The following NCAM1 variants were observed in gnomAD, a reference collection of about 807,000 sequenced individuals.
NCAM1 encodes the protein neural cell adhesion molecule 1, also known as antigen recognized by monoclonal antibody 5.1H11.
In NCAM1, 14 loss-of-function variants were observed where a neutral mutation model predicts 109.8. That is an observed-to-expected ratio of 0.13 (90% CI 0.08 to 0.20). The LOEUF (loss-of-function observed/expected upper bound fraction) is 0.20. Ranked by LOEUF, NCAM1 falls within the 10% of genes least tolerant of loss-of-function variation. NCAM1 has a pLI of 1.00. For synonymous variants in NCAM1, 418 were observed against 442.9 expected (o/e 0.94, Z 0.70); for missense variants, 774 against 1,109.9 (o/e 0.70, Z 4.30).
chr11:113,196,369 C>T (rs1943856112), intron 1 of NCAM1, among the ~76,000 whole-genome samples: 1 of 152,106 alleles, frequency 6.6e-6, no homozygotes, highest in South Asian at 2.1e-4. Context: ...AATTCAAATG[C>T]CTTATTTTAA....
chr11:113,273,745 C>T lies in NCAM1; in HGVS notation c.2457-1522C>T, dbSNP rs1234278051. Reference sequence around the variant, plus strand: ...TCTGTTTCGCCTGCGCCAGCAAAGACCGAGTACGGCCTCTCTTTGTCTGCT... The same window carrying T: ...TCTGTTTCGCCTGCGCCAGCAAAGATCGAGTACGGCCTCTCTTTGTCTGCT... On this transcript the variant is annotated intron_variant, in intron 19 of 19. Transcript: ENST00000316851. This position sits in a 1 kb window ranked among gnomAD's most constrained non-coding sequence, Gnocchi z 6.0. The T allele has an allele frequency of 2.3e-6, 1 of 436,796 alleles. No individual in the cohort carries two copies. Among genetic ancestry groups the T allele is most frequent in the Admixed American group, 2.5e-5 (1 of 40,320 alleles). The allele number at this position is 436,796 out of a possible 1,614,324, so 27.1% of individuals were successfully genotyped here.
In NCAM1 at chr11:113,220,602, C is replaced by CT. The variant is rs1175342641; in HGVS notation, c.1060-671dup. Reference sequence around the variant, plus strand: ...AGACCTATTCTCTCTCTCTCTCTCTCTTTTTTTTTTTTTTTTTTTTTTTGA... The same window carrying CT: ...AGACCTATTCTCTCTCTCTCTCTCTCTTTTTTTTTTTTTTTTTTTTTTTTGA... On this transcript the variant is annotated intron_variant, in intron 8 of 19. Transcript: ENST00000316851. 9.2e-3 allele frequency among the ~76,000 whole-genome samples: 697 copies of CT among 75,514 alleles called. 22 individuals carry two copies. The highest frequency in any genetic ancestry group is 0.012 in the Non-Finnish European group (499 of 42,484). 49.5% of individuals were successfully genotyped at this position (75,514 alleles called of 152,430 possible). A position where few individuals can be genotyped will look rare whatever the true frequency, so the allele number is the denominator to read the frequency against.
intron 1 of NCAM1, among the ~76,000 whole-genome samples, chr11:113,192,108 G>C (rs1216057431): frequency 1.3e-5 from 2 of 152,258 alleles, no homozygotes; most frequent in African/African-American, 2.4e-5. Flanking sequence ...AGAGGGAAAT[G>C]CTTCGCCTTG....
rs78225087 is a variant in NCAM1, at chr11:112,966,578, G to A, written c.52+4914G>A. Among the ~76,000 whole-genome samples, 750 of 152,286 alleles carry A rather than the reference G, an allele frequency of 4.9e-3. 7 individuals carry two copies. Among genetic ancestry groups the A allele is most frequent in the African/African-American group, 0.017 (715 of 41,554 alleles). ...GAAGGTCATAGTCCTGTTACCTCTA[G>A]CCTCTTTTGTTATTAACTCTTGGGG... On this transcript the variant is annotated intron_variant, in intron 1 of 19. Transcript: ENST00000316851.
chr11:113,069,323 G>A (rs1938148706), intron 1 of NCAM1, among the ~76,000 whole-genome samples: 1 of 152,214 alleles, frequency 6.6e-6, no homozygotes, highest in African/African-American at 2.4e-5. Flanking sequence ...CTGGTATAAT[G>A]CCAGCAGCAG....
chr11:113,143,973 G>T (rs1410944113), intron 1 of NCAM1, among the ~76,000 whole-genome samples: 5 of 152,134 alleles, frequency 3.3e-5, no homozygotes, highest in Admixed American at 6.5e-5. Flanking sequence ...GAAGGCAAGT[G>T]ACAGCATATC....
chr11:113,211,038 T>G (rs1189187315), intron 7 of NCAM1, among the ~76,000 whole-genome samples: 4 of 152,262 alleles, frequency 2.6e-5, no homozygotes, highest in Admixed American at 2.6e-4. Context: ...TCCACCACCT[T>G]TTCCCATCCA....
intron 14 of NCAM1, among the ~76,000 whole-genome samples, chr11:113,238,313 C>T (rs1302694630): frequency 2.0e-5 from 3 of 152,148 alleles, no homozygotes; most frequent in African/African-American, 4.8e-5. Context: ...AGAACCATGG[C>T]ATATTCTTAG....
At chr11:113,237,302 A>G (rs576508894) in intron 14 of NCAM1, among the ~76,000 whole-genome samples, 4 of 152,364 alleles carry the variant, frequency 2.6e-5, no homozygotes, top group Admixed American at 6.5e-5. Flanking sequence ...GAAGCTGTAC[A>G]GTCTTTTCAT....
intron 1 of NCAM1, among the ~76,000 whole-genome samples, chr11:113,095,699 A>G (rs1939564613): frequency 6.6e-6 from 1 of 152,260 alleles, no homozygotes; most frequent in Admixed American, 6.5e-5. Context: ...GGCAGATTTT[A>G]TTAATCCCAT....
chr11:113,038,491 T>C (rs1408117077), intron 1 of NCAM1, among the ~76,000 whole-genome samples: 4 of 152,218 alleles, frequency 2.6e-5, no homozygotes, highest in Non-Finnish European at 4.4e-5. Flanking sequence ...TCTCGTCTTA[T>C]CTCCCTACTG....
At chr11:113,242,958 G>C in intron 14 of NCAM1, 2 of 1,581,926 alleles carry the variant, frequency 1.3e-6, no homozygotes, top group African/African-American at 2.7e-5. Context: ...AGCAACAGTT[G>C]TGAATGCATG....
chr11:113,068,953 T>C (rs1938120871), intron 1 of NCAM1, among the ~76,000 whole-genome samples: 1 of 152,188 alleles, frequency 6.6e-6, no homozygotes, highest in African/African-American at 2.4e-5. Context: ...GTGCTTAATT[T>C]AGATGTGAGT....
chr11:113,006,278 T>A (rs1483788664), intron 1 of NCAM1, among the ~76,000 whole-genome samples: 1 of 152,240 alleles, frequency 6.6e-6, no homozygotes, highest in Non-Finnish European at 1.5e-5. Context: ...TTTGATTGAC[T>A]GCTGCTATTC....
intron 1 of NCAM1, among the ~76,000 whole-genome samples, chr11:113,041,573 C>T (rs1399291594): frequency 6.6e-6 from 1 of 152,110 alleles, no homozygotes; most frequent in Non-Finnish European, 1.5e-5. Flanking sequence ...CAACTTGATG[C>T]GAACCAATGG....
intron 1 of NCAM1, among the ~76,000 whole-genome samples, chr11:113,043,731 C>T (rs1185665468): frequency 6.6e-6 from 1 of 152,158 alleles, no homozygotes; most frequent in African/African-American, 2.4e-5. Flanking sequence ...ATTCCCTCCT[C>T]AGAGTCTCCT....
intron 1 of NCAM1, among the ~76,000 whole-genome samples, chr11:113,042,041 C>T (rs185563708): frequency 6.6e-6 from 1 of 152,300 alleles, no homozygotes; most frequent in African/African-American, 2.4e-5. Flanking sequence ...CCTTGTCACT[C>T]CCGCCTCCCT....
intron 1 of NCAM1, among the ~76,000 whole-genome samples, chr11:112,968,800 T>C (rs1402013303): frequency 6.6e-6 from 1 of 152,192 alleles, no homozygotes; most frequent in Non-Finnish European, 1.5e-5. Flanking sequence ...GAAGAACAGA[T>C]GGTATTCTCA....
At chr11:113,194,089 C>T (rs1406569998) in intron 1 of NCAM1, among the ~76,000 whole-genome samples, 3 of 152,128 alleles carry the variant, frequency 2.0e-5, no homozygotes, top group East Asian at 1.9e-4. Flanking sequence ...CCAATTATGC[C>T]GGATTCCCAG....
Sources: allele counts gnomAD v4.1 joint callset (sites outside exome capture counted in the v4.1 genomes callset), GRCh38; gene constraint gnomAD v4.1.1; non-coding constraint Gnocchi (gnomAD v3.1); transcripts MANE v1.5; gene names NCBI Gene and HGNC (gene_info 2026-07-23, HGNC 2026-07-21).